Variants in ADGRG2 observed in about 807,000 individuals in gnomAD.
ADGRG2 encodes the protein adhesion G protein-coupled receptor G2, also known as G protein-coupled receptor 64.
ADGRG2 carries 26 observed loss-of-function variants against 74.1 expected under a neutral mutation model. The observed-to-expected ratio is 0.35, with a 90% CI of 0.26 to 0.49. The LOEUF is 0.49. ADGRG2 is among the 20% of genes least tolerant of loss of function. The pLI is 0.99. For missense variants in ADGRG2, 619 were observed against 763.1 expected (o/e 0.81, Z 2.22); for synonymous variants, 296 against 295.2 (o/e 1.00, Z -0.03).
At chrX:19,014,565 C>A (rs2060427726) in intron 15 of ADGRG2, among the ~76,000 whole-genome samples, 1 of 112,037 alleles carries the variant, frequency 8.9e-6, no homozygotes. Context: ...AAGAGGTGGT[C>A]TACAGCAGCT....
chrX:19,066,111 G>A (rs2061564594), intron 3 of ADGRG2, among the ~76,000 whole-genome samples: 1 of 112,545 alleles, frequency 8.9e-6, no homozygotes. Context: ...GCCTCCCAAA[G>A]TGCTGGGATT....
At chrX:19,048,403 C>T (rs1453611882) in intron 3 of ADGRG2, among the ~76,000 whole-genome samples, 2 of 111,450 alleles carry the variant, frequency 1.8e-5, no homozygotes, top group Non-Finnish European at 3.8e-5. Context: ...GTACGTTATC[C>T]CCATTTCACA....
chrX:19,087,629 TACAAGTG>T (rs952448260), intron 1 of ADGRG2, among the ~76,000 whole-genome samples: 1 of 112,149 alleles, frequency 8.9e-6, no homozygotes, highest in Non-Finnish European at 1.9e-5. Flanking sequence ...TGTTAAATTG[TACAAGTG>T]ACTAACAGAG....
intron 1 of ADGRG2, among the ~76,000 whole-genome samples, chrX:19,105,187 G>A (rs2062261678): frequency 9.0e-6 from 1 of 111,596 alleles, no homozygotes; most frequent in Non-Finnish European, 1.9e-5. Context: ...GAACTCCTGG[G>A]CTCAAGCAAT....
Position 19,008,486 on chromosome X carries a change from C to T in ADGRG2, c.1423-363G>A, listed in dbSNP as rs1483389216. On this transcript the variant is annotated intron_variant, in intron 18 of 28. Transcript: ENST00000379869. ...TTTAAGACCAGCCTGGCCAACATGG[C>T]GCAGCCCTGTCTCTACTAAAAATAC... 2.7e-5 allele frequency among the ~76,000 whole-genome samples: 3 copies of T among 110,508 alleles called. No individual in the cohort carries two copies. The Admixed American group carries it at 2.9e-4, about 11-fold the overall frequency.
intron 3 of ADGRG2, among the ~76,000 whole-genome samples, chrX:19,055,305 C>T (rs569224074): frequency 8.9e-6 from 1 of 111,770 alleles, no homozygotes; most frequent in African/African-American, 3.2e-5. Flanking sequence ...CGCGCGTGCA[C>T]GCACCTTAGT....
At chrX:19,003,790 C>T (rs1569362065) in intron 23 of ADGRG2, among the ~76,000 whole-genome samples, 1 of 112,070 alleles carries the variant, frequency 8.9e-6, no homozygotes, top group Non-Finnish European at 1.9e-5. Context: ...CTCATGGAGT[C>T]TGCTATATTC....
intron 3 of ADGRG2, among the ~76,000 whole-genome samples, chrX:19,044,503 G>A (rs1410514681): frequency 8.9e-6 from 1 of 112,069 alleles, no homozygotes; most frequent in African/African-American, 3.2e-5. Context: ...ATTTTAGGAT[G>A]TGGACATTTT....
chrX:19,115,096 T>G, intron 1 of ADGRG2, among the ~76,000 whole-genome samples: 1 of 111,813 alleles, frequency 8.9e-6, no homozygotes, highest in African/African-American at 3.3e-5. Flanking sequence ...TGTGTATTGG[T>G]TAATGAACTG....
chrX:18,992,712 A>G (rs1332283874), intron 28 of ADGRG2, among the ~76,000 whole-genome samples: 1 of 112,474 alleles, frequency 8.9e-6, no homozygotes, highest in Non-Finnish European at 1.9e-5. Flanking sequence ...ACACTGAGCC[A>G]TTTTGGCAGC....
rs756805664 is a variant in ADGRG2, at chrX:18,994,085, C to G, written c.2869+811G>C. The stretch of plus-strand genomic sequence containing the variant: ...CACATATATGGTCACCAATACTGGT[C>G]ACAAGTCATCTTCCAGTATTTTGAC... On this transcript the variant is annotated intron_variant, in intron 28 of 28. Transcript: ENST00000379869. Among the ~76,000 whole-genome samples the G allele has an allele frequency of 9.8e-5, 11 of 112,479 alleles. 1 individual carries two copies. In the South Asian group the frequency reaches 4.0e-3, roughly 41 times the overall value.
In ADGRG2 at chrX:19,086,690, G is replaced by C. The variant is rs751619546; in HGVS notation, c.-46-3944C>G. Among the ~76,000 whole-genome samples the C allele has an allele frequency of 4.5e-5, 5 of 111,110 alleles. No homozygotes were observed. The East Asian group carries it at 1.4e-3, about 32-fold the overall frequency. On this transcript the variant is annotated intron_variant, in intron 1 of 28. Transcript: ENST00000379869. ...GCAACCCACTTGGGAAGGAGCACAG[G>C]TAACAGCAGCCCCAGGCAGTTGTCC...
rs1284085761 is a variant in ADGRG2 at position 19,074,764 on chromosome X, T to C, written c.-1-5929A>G. 3.8e-5 allele frequency among the ~76,000 whole-genome samples: 4 copies of C among 105,132 alleles called. No homozygotes were observed. In the Admixed American group the frequency reaches 4.2e-4, roughly 11 times the overall value. The allele number at this position is 105,132 out of a possible 115,157, so 91.3% of individuals were successfully genotyped here. A position where few individuals can be genotyped will look rare whatever the true frequency, so the allele number is the denominator to read the frequency against. ...TTTTCTATTTTTAGTAGAGATGGGG[T>C]TTCACCATGTTGGCCAGGCTAGTCT... On this transcript the variant is annotated intron_variant, in intron 2 of 28. Coordinates refer to ENST00000379869, the MANE Select transcript of ADGRG2 (RefSeq NM_001079858.3).
intron 9 of ADGRG2, 54 bp from the exon 10 acceptor site, chrX:19,028,292 G>C (rs1451628257): frequency 3.8e-6 from 2 of 528,950 alleles, no homozygotes; most frequent in Non-Finnish European, 3.2e-6. Context: ...ATAGCTTGAG[G>C]ATTAATACCA....
In ADGRG2 at chrX:19,028,080, T is replaced by C. The variant is rs73445618; in HGVS notation, c.414+103A>G. The stretch of plus-strand genomic sequence containing the variant: ...TTTCATTTAAATTTGGTCATAACAA[T>C]AAATATACCAAATATCATAAATAAT... On this transcript the variant is annotated intron_variant, in intron 10 of 28. Coordinates refer to ENST00000379869, the MANE Select transcript of ADGRG2 (RefSeq NM_001079858.3). 7,981 of 521,100 alleles carry C rather than the reference T, an allele frequency of 0.015. 441 individuals carry two copies. The African/African-American group carries it at 0.17, about 11-fold the overall frequency. 42.9% of individuals were successfully genotyped at this position (521,100 alleles called of 1,213,427 possible). A position where few individuals can be genotyped will look rare whatever the true frequency, so the allele number is the denominator to read the frequency against.
chrX:19,101,098 A>G (rs993349262), intron 1 of ADGRG2, among the ~76,000 whole-genome samples: 22 of 92,703 alleles, frequency 2.4e-4, no homozygotes, highest in Non-Finnish European at 2.2e-4. Flanking sequence ...ACTAATCATG[A>G]GATTGTGTGT....
intron 3 of ADGRG2, among the ~76,000 whole-genome samples, chrX:19,065,287 T>G (rs1426082746): frequency 1.1e-3 from 77 of 67,538 alleles, no homozygotes; most frequent in Non-Finnish European, 7.3e-4. Context: ...AAAAAAAAAG[T>G]AAAGAAAAGA....
At chrX:19,062,337 G>A (rs776291371) in intron 3 of ADGRG2, among the ~76,000 whole-genome samples, 1 of 111,861 alleles carries the variant, frequency 8.9e-6, no homozygotes, top group East Asian at 2.8e-4. Context: ...TGGAGAGTGG[G>A]ACACAATGCC....
chrX:19,005,006 T>C (rs746208880), intron 22 of ADGRG2, 127 bp from the exon 23 acceptor site: 3 of 464,362 alleles, frequency 6.5e-6, no homozygotes, highest in Middle Eastern at 1.3e-3. Flanking sequence ...GGCACAATTA[T>C]TACTATCAGG....
Sources: gnomAD v4.1 joint callset for allele counts (sites outside exome capture counted in the v4.1 genomes callset) on GRCh38, gnomAD v4.1.1 for gene constraint, MANE v1.5 for transcripts, NCBI Gene and HGNC (gene_info 2026-07-23, HGNC 2026-07-21) for gene names.